The following ZFHX3 variants were observed in gnomAD, a reference collection of about 807,000 sequenced individuals.
ZFHX3 encodes the protein zinc finger homeobox protein 3.
A neutral mutation model predicts 279.1 loss-of-function variants in ZFHX3; 42 were observed. The observed-to-expected ratio is 0.15, with a 90% confidence interval of 0.12 to 0.19. The LOEUF is 0.19. Ranked by LOEUF, ZFHX3 falls within the 10% of genes least tolerant of loss-of-function variation. ZFHX3 has a pLI of 1.00. For missense variants in ZFHX3, 4,981 were observed against 4,754.0 expected, an observed-to-expected ratio of 1.05 and a Z score of -1.40; for synonymous variants, 2,293 against 1,957.8, an observed-to-expected ratio of 1.17 and a Z score of -4.52.
Position 73,111,904 on chromosome 16 carries a change from C to T in ZFHX3, c.-896-18306G>A, listed in dbSNP as rs561696370. Among the ~76,000 whole-genome samples, 8 of 152,236 alleles carry T rather than the reference C, an allele frequency of 5.3e-5. No individual in the cohort carries two copies. The South Asian group carries it at 1.2e-3, about 24-fold the overall frequency. On this transcript the variant is annotated intron_variant, in intron 7 of 17. Coordinates refer to the ZFHX3 transcript ENST00000641206. ...ATGGGAAAACGAGGTTTAACAAATT[C>T]GTGTAAGTTCTCAAGGAACCTGGAT... is the stretch of plus-strand genomic sequence containing the variant.
At chr16:73,457,116 T>C (rs1365431492) in intron 2 of ZFHX3, among the ~76,000 whole-genome samples, 1 of 152,166 alleles carries the variant, frequency 6.6e-6, no homozygotes, top group Admixed American at 6.5e-5. Context: ...GTAGAACCAC[T>C]CTCTTCCCTT....
At chr16:72,881,693 T>C (rs1235597326) in intron 4 of ZFHX3, among the ~76,000 whole-genome samples, 1 of 152,138 alleles carries the variant, frequency 6.6e-6, no homozygotes, top group Non-Finnish European at 1.5e-5. Context: ...AGGGGATCCA[T>C]ATGGGAGGGG....
intron 2 of ZFHX3, among the ~76,000 whole-genome samples, chr16:73,513,669 T>C (rs1319581193): frequency 6.6e-6 from 1 of 151,966 alleles, no homozygotes; most frequent in African/African-American, 2.4e-5. Flanking sequence ...AGATAAAGAT[T>C]TACAAAGACT....
intron 2 of ZFHX3, among the ~76,000 whole-genome samples, chr16:73,675,375 CA>C (rs1304166707): frequency 1.3e-5 from 2 of 152,058 alleles, no homozygotes; most frequent in Non-Finnish European, 2.9e-5. Flanking sequence ...TAAAAATTAT[CA>C]GTGAAGAAAG....
chr16:73,766,274 C>G (rs1372739741), intron 1 of ZFHX3, among the ~76,000 whole-genome samples: 1 of 152,174 alleles, frequency 6.6e-6, no homozygotes, highest in Non-Finnish European at 1.5e-5. Flanking sequence ...CCTCAAAGGC[C>G]TGTTGACTCC....
chr16:73,478,398 T>G (rs554801337), intron 2 of ZFHX3, among the ~76,000 whole-genome samples: 3 of 152,122 alleles, frequency 2.0e-5, no homozygotes, highest in Non-Finnish European at 2.9e-5. Context: ...GCTTCTTCCC[T>G]GCTAGTTTAT....
At chr16:72,802,425 A>G (rs984213242) in intron 7 of ZFHX3, among the ~76,000 whole-genome samples, 2 of 152,188 alleles carry the variant, frequency 1.3e-5, no homozygotes, top group Admixed American at 6.5e-5. Flanking sequence ...AAATATAATC[A>G]TCAACCTCAC....
intron 1 of ZFHX3, among the ~76,000 whole-genome samples, chr16:73,852,002 A>T (rs2142380521): frequency 6.6e-6 from 1 of 152,348 alleles, no homozygotes; most frequent in Middle Eastern, 3.4e-3. Flanking sequence ...GAACTGTCTC[A>T]TCTACCTCCT....
chr16:73,165,717 C>A (rs1046207310), intron 5 of ZFHX3, among the ~76,000 whole-genome samples: 1 of 152,168 alleles, frequency 6.6e-6, no homozygotes, highest in Admixed American at 6.5e-5. Context: ...GTACGTGTTC[C>A]ATTACGTCTC....
At position 73,864,016 on chromosome 16, in the gene ZFHX3, G is replaced by A. The variant is rs1339285066; in HGVS notation, c.-1608+27635C>T. ...AGTAATTCCAGCTTCAAGTCACAAA[G>A]CCAGGGCTTTTTAAGTTATCTCACC... On this transcript the variant is annotated intron_variant, in intron 1 of 17. Coordinates refer to the ZFHX3 transcript ENST00000641206. Among the ~76,000 whole-genome samples, 4 of 152,242 alleles carry A rather than the reference G, an allele frequency of 2.6e-5. No homozygotes were observed. In the East Asian group the frequency reaches 5.8e-4, roughly 22 times the overall value.
chr16:72,947,932 G>A (rs1470699840), intron 3 of ZFHX3, among the ~76,000 whole-genome samples: 2 of 152,212 alleles, frequency 1.3e-5, no homozygotes, highest in Non-Finnish European at 2.9e-5. Context: ...GGCCACACCA[G>A]GGCCTAGAGA....
chr16:73,703,398 T>C (rs749399599), intron 1 of ZFHX3, among the ~76,000 whole-genome samples: 98 of 152,044 alleles, frequency 6.4e-4, no homozygotes, highest in Non-Finnish European at 1.2e-3. Flanking sequence ...AAATGAGTCA[T>C]TTTTAAAAGG....
At chr16:73,649,418 T>C (rs535657066) in intron 2 of ZFHX3, among the ~76,000 whole-genome samples, 3 of 152,154 alleles carry the variant, frequency 2.0e-5, no homozygotes. Flanking sequence ...TATGGCATGA[T>C]TCCCTTTCAG....
At chr16:73,595,840 C>G (rs923825678) in intron 2 of ZFHX3, among the ~76,000 whole-genome samples, 1 of 152,072 alleles carries the variant, frequency 6.6e-6, no homozygotes, top group South Asian at 2.1e-4. Flanking sequence ...TCTATGGCAC[C>G]TTCCTCTCCC....
chr16:73,023,562 T>C (rs12103044), intron 1 of ZFHX3, among the ~76,000 whole-genome samples: 2,229 of 152,310 alleles, frequency 0.015, 45 homozygotes, highest in African/African-American at 0.048. Flanking sequence ...CCTCCCACGA[T>C]GCGCTACAGG....
rs566450687 is a variant in ZFHX3, at chr16:72,795,411, T to C, written c.7271A>G (p.Glu2424Gly). ...CAGCTTTGGTTTCTCATCGCCTGCCTCTGTTTTTGAATTGAAGGTGGCCAG... is the reference window on the plus strand; with the variant it reads ...CAGCTTTGGTTTCTCATCGCCTGCCCCTGTTTTTGAATTGAAGGTGGCCAG... ...EELATFNSKT[E>G]AGDEKPKLAE... Residue 2424 changes from glutamate (E) to glycine (G), a missense_variant, in exon 9 of 10, where the codon GAG becomes GGG. Around this residue, in one of 7 missense-constraint regions of ZFHX3, gnomAD observed 744 missense variants for 701.3 expected, o/e 1.06. Coordinates refer to ENST00000268489, the MANE Select transcript of ZFHX3 (RefSeq NM_006885.4). 3 of 1,614,170 alleles carry C rather than the reference T, an allele frequency of 1.9e-6. No individual in the cohort carries two copies. In the African/African-American group the frequency reaches 4.0e-5, roughly 22 times the overall value.
chr16:73,004,158 A>ATTTTTTT (rs1567627941), intron 1 of ZFHX3, among the ~76,000 whole-genome samples: 1 of 51,312 alleles, frequency 1.9e-5, no homozygotes, highest in African/African-American at 1.1e-4. Context: ...TAAAAACACG[A>ATTTTTTT]CTTTTTTTTT....
intron 3 of ZFHX3, among the ~76,000 whole-genome samples, chr16:73,388,014 G>A (rs1231870374): frequency 3.9e-5 from 6 of 152,170 alleles, no homozygotes; most frequent in South Asian, 4.2e-4. Flanking sequence ...TGCAGGGCAC[G>A]CTCATTGTGC....
intron 1 of ZFHX3, among the ~76,000 whole-genome samples, chr16:72,963,670 C>T (rs543394110): frequency 9.2e-5 from 14 of 152,262 alleles, no homozygotes; most frequent in African/African-American, 3.4e-4. Flanking sequence ...CCCTGTATCT[C>T]CCTATTAATC....
Sources: allele counts gnomAD v4.1 joint callset (sites outside exome capture counted in the v4.1 genomes callset), GRCh38; gene constraint gnomAD v4.1.1; regional missense constraint gnomAD v4.1.1; transcripts MANE v1.5; gene names NCBI Gene and HGNC (gene_info 2026-07-23, HGNC 2026-07-21).